C1orf54: variants seen among roughly 807,000 people sequenced by gnomAD.
The protein encoded by C1orf54 is chromosome 1 open reading frame 54.
In C1orf54, 12 loss-of-function variants were observed where a neutral mutation model predicts 14.7. The observed-to-expected ratio is 0.82, with a 90% CI of 0.52 to 1.32. The LOEUF is 1.32. Ranked by LOEUF, C1orf54 falls within the 40% of genes most tolerant of loss-of-function variation. C1orf54 has a pLI of 0.00. For synonymous variants in C1orf54, 65 were observed against 56.3 expected, an observed-to-expected ratio of 1.16 and a Z score of -0.70; for missense variants, 163 against 162.2, an observed-to-expected ratio of 1.00 and a Z score of -0.03.
In C1orf54 at chr1:150,275,785, T is replaced by C; in HGVS notation, c.175T>C (p.Ser59Pro). The C allele has an allele frequency of 1.2e-6, 2 of 1,612,018 alleles. No individual in the cohort carries two copies. Among genetic ancestry groups the C allele is most frequent in the South Asian group, 1.1e-5 (1 of 91,024 alleles). ...DFTIDYSIFE[S>P]EDRLNRLDKD... ...CACCATTGATTACTCCATATTTGAG[T>C]CAGAGGACAGGCTGGTGAGTGAACT... The change falls in exon 3 of 6, where the codon TCA becomes CCA. Residue 59 changes from serine to proline, a missense_variant. Transcript: ENST00000369099.
intron 3 of C1orf54, among the ~76,000 whole-genome samples, chr1:150,276,288 G>C (rs1276891467): frequency 6.6e-6 from 1 of 152,178 alleles, no homozygotes; most frequent in Non-Finnish European, 1.5e-5. Context: ...AAAAAAGCCA[G>C]AACTTTATAA....
chr1:150,279,573 G>A, intron 4 of C1orf54, 70 bp from the exon 5 acceptor site: 1 of 1,404,860 alleles, frequency 7.1e-7, no homozygotes, highest in Non-Finnish European at 9.8e-7. Flanking sequence ...CAGTCTTTCT[G>A]GAGGGGGACA....
upstream of C1orf54, among the ~76,000 whole-genome samples, chr1:150,271,973 C>G (rs1039661739): frequency 6.6e-6 from 1 of 152,108 alleles, no homozygotes; most frequent in Non-Finnish European, 1.5e-5. Flanking sequence ...AACCCCGTCT[C>G]TACTAAAAAT....
intron 4 of C1orf54, among the ~76,000 whole-genome samples, chr1:150,278,601 G>A (rs950967311): frequency 2.6e-5 from 4 of 152,186 alleles, no homozygotes; most frequent in African/African-American, 9.7e-5. Context: ...GAATGGAATG[G>A]AGAAGGATTT....
chr1:150,270,913 G>A (rs182515491), upstream of C1orf54, among the ~76,000 whole-genome samples: 72 of 145,904 alleles, frequency 4.9e-4, no homozygotes, highest in African/African-American at 1.6e-3. Context: ...GGAGAATGGC[G>A]TGAACCCAGG....
chr1:150,279,464 A>G (rs1652926133), intron 4 of C1orf54, among the ~76,000 whole-genome samples, 179 bp from the exon 5 acceptor site: 1 of 152,170 alleles, frequency 6.6e-6, no homozygotes, highest in Non-Finnish European at 1.5e-5. Flanking sequence ...GGTCAGGGAT[A>G]GCTGAAAGGC....
Position 150,280,851 on chromosome 1 carries a change from A to T in C1orf54, c.*20A>T. 6.5e-7 allele frequency: 1 copy of T among 1,550,350 alleles called. No individual in the cohort carries two copies. The highest frequency in any genetic ancestry group is 8.7e-7 in the Non-Finnish European group (1 of 1,146,906). On this transcript the variant is annotated 3_prime_UTR_variant, in exon 6 of 6. Coordinates refer to ENST00000369099, the MANE Select transcript of C1orf54 (RefSeq NM_024579.4). ...CTTTTTTAGGTGGAAGAAGGCTGCT[A>T]TGACTCTTTGGATGGGAGTCTGGCA...
chr1:150,276,222 G>A (rs1405969395), intron 3 of C1orf54, among the ~76,000 whole-genome samples: 1 of 152,180 alleles, frequency 6.6e-6, no homozygotes, highest in Non-Finnish European at 1.5e-5. Context: ...TGAGTTTGAT[G>A]AGGAGAAACT....
rs1652761450 is a variant in C1orf54 at position 150,277,502 on chromosome 1, T to TTAA, written c.300+870_300+871insTAA. On this transcript the variant is annotated intron_variant, in intron 4 of 5. Coordinates refer to ENST00000369099, the MANE Select transcript of C1orf54 (RefSeq NM_024579.4). Reference sequence around the variant, plus strand: ...TGGGCGACAGAGTGAGACTCTATACTAAAAAAAAAAAAAAAAAAAAAAAAA... The same window carrying TTAA: ...TGGGCGACAGAGTGAGACTCTATACTTAAAAAAAAAAAAAAAAAAAAAAAAAAA... 5.6e-3 allele frequency among the ~76,000 whole-genome samples: 231 copies of TTAA among 41,282 alleles called. 3 individuals carry two copies. Among genetic ancestry groups the TTAA allele is most frequent in the African/African-American group, 0.017 (223 of 13,298 alleles). The allele number at this position is 41,282 out of a possible 152,430, so 27.1% of individuals were successfully genotyped here.
In C1orf54 at chr1:150,274,172, T is replaced by C; in HGVS notation, c.130+2T>C. ...ATTATACAGTCACCCCCAGTTATGG[T>C]GAGTACATGAAAGGCTCTTGCCCTT... On this transcript the variant is annotated splice_donor_variant, in intron 2 of 5. Coordinates refer to ENST00000369099, the MANE Select transcript of C1orf54 (RefSeq NM_024579.4). LOFTEE classifies it high-confidence loss of function. 6.2e-7 allele frequency: 1 copy of C among 1,602,088 alleles called. No individual in the cohort carries two copies.
At chr1:150,272,579 A>G, upstream of C1orf54, 1 of 545,914 alleles carries the variant, frequency 1.8e-6, no homozygotes, top group Non-Finnish European at 3.3e-6. Flanking sequence ...GGGGAGCTTA[A>G]GAAACATGTT....
chr1:150,275,067 C>T (rs1553852162), intron 2 of C1orf54, among the ~76,000 whole-genome samples: 1 of 148,554 alleles, frequency 6.7e-6, no homozygotes, highest in Non-Finnish European at 1.5e-5. Context: ...GAGACCAAAT[C>T]TCATGCTGTC....
upstream of C1orf54, chr1:150,269,137 G>A (rs1652029817): frequency 1.1e-5 from 3 of 275,880 alleles, no homozygotes; most frequent in South Asian, 1.1e-4. Flanking sequence ...GTCGCCTTCC[G>A]AGGCCTTGAC....
chr1:150,274,508 G>C (rs141757912), intron 2 of C1orf54, among the ~76,000 whole-genome samples: 2,079 of 151,934 alleles, frequency 0.014, 51 homozygotes, highest in African/African-American at 0.048. Flanking sequence ...GCTGAGGCAG[G>C]AGAATGGCAT....
intron 4 of C1orf54, among the ~76,000 whole-genome samples, chr1:150,277,332 A>C (rs1652736494): frequency 6.6e-6 from 1 of 151,934 alleles, no homozygotes; most frequent in African/African-American, 2.4e-5. Context: ...TGGAAACCCC[A>C]TCTCTACTAA....
At chr1:150,280,766 TG>T in intron 5 of C1orf54, 68 bp from the exon 6 acceptor site, 2 of 1,230,490 alleles carry the variant, frequency 1.6e-6, no homozygotes. Context: ...CCATAGAGTG[TG>T]GGGGGCATGA....
Position 150,279,810 on chromosome 1 carries a change from G to T in C1orf54, c.*3+69G>T. On this transcript the variant is annotated intron_variant, in intron 5 of 5. Transcript: ENST00000369099. ...ATTTTTTAACTTCCCACACTAAACCGAAGTAATTCTTACCAGTATCTCTAG... is the reference window on the plus strand; with the variant it reads ...ATTTTTTAACTTCCCACACTAAACCTAAGTAATTCTTACCAGTATCTCTAG... 6.2e-6 allele frequency: 8 copies of T among 1,293,850 alleles called. No individual in the cohort carries two copies. The South Asian group carries it at 1.1e-4, about 17-fold the overall frequency. The allele number at this position is 1,293,850 out of a possible 1,614,324, so 80.1% of individuals were successfully genotyped here.
chr1:150,271,866 C>T (rs980307744), upstream of C1orf54, among the ~76,000 whole-genome samples: 7 of 152,096 alleles, frequency 4.6e-5, no homozygotes, highest in African/African-American at 7.2e-5. Flanking sequence ...AGGCCGGGCA[C>T]GGTGGCTCAT....
Position 150,279,742 on chromosome 1 carries a change from G to A in C1orf54, c.*3+1G>A. The stretch of plus-strand genomic sequence containing the variant: ...GGTGGGGATGTATTTCATGTAGAAG[G>A]TAAGAGTGCAGCCACTGGCTTTGGG... On this transcript the variant is annotated splice_donor_variant, in intron 5 of 5. Coordinates refer to ENST00000369099, the MANE Select transcript of C1orf54 (RefSeq NM_024579.4). LOFTEE classifies it low-confidence loss of function (3UTR_SPLICE). 1.2e-6 allele frequency: 2 copies of A among 1,608,538 alleles called. No individual in the cohort carries two copies. Among genetic ancestry groups the A allele is most frequent in the Non-Finnish European group, 1.7e-6 (2 of 1,176,378 alleles).
Sources: allele counts gnomAD v4.1 joint callset (sites outside exome capture counted in the v4.1 genomes callset), GRCh38; gene constraint gnomAD v4.1.1; transcripts MANE v1.5; gene names NCBI Gene and HGNC (gene_info 2026-07-23, HGNC 2026-07-21).